The following SELENON variants were observed in gnomAD, a reference collection of about 807,000 sequenced individuals.
SELENON encodes the protein selenoprotein N, 1.
SELENON carries 44 observed loss-of-function variants against 59.5 expected under a neutral mutation model. That is an observed-to-expected ratio of 0.74 (90% CI 0.58 to 0.95). The LOEUF (loss-of-function observed/expected upper bound fraction) is 0.95, where lower values mean the gene tolerates loss of function less well. Ranked by LOEUF, SELENON falls within the 40% of genes least tolerant of loss-of-function variation. The pLI, the probability that SELENON is intolerant of heterozygous loss-of-function variation, is 0.00. For missense variants in SELENON, 674 were observed against 721.4 expected, an observed-to-expected ratio of 0.93 and a Z score of 0.75; for synonymous variants, 320 against 305.6, an observed-to-expected ratio of 1.05 and a Z score of -0.49.
intron 1 of SELENON, 47 bp from the exon 2 acceptor site, chr1:25,800,996 G>C: frequency 6.6e-7 from 1 of 1,510,696 alleles, no homozygotes; most frequent in Non-Finnish European, 9.2e-7. Context: ...GGGACCAGGA[G>C]ACCAGGCCGC....
In SELENON at chr1:25,815,859, C is replaced by T; in HGVS notation, c.*141C>T. On this transcript the variant is annotated 3_prime_UTR_variant, in exon 13 of 13. Transcript: ENST00000361547. ...AGGGTACAAGATCCACTGAGGGTGG[C>T]CACCACAGCCTTGGCTCCATGGTGG... 3 of 830,526 alleles carry T rather than the reference C, an allele frequency of 3.6e-6. No homozygotes were observed. The highest frequency in any genetic ancestry group is 5.7e-6 in the Non-Finnish European group (3 of 526,484). The allele number at this position is 830,526 out of a possible 1,614,324, so 51.4% of individuals were successfully genotyped here. A position where few individuals can be genotyped will look rare whatever the true frequency, so the allele number is the denominator to read the frequency against.
At position 25,812,749 on chromosome 1, in the gene SELENON, C is replaced by T. The variant is rs752098351; in HGVS notation, c.1344C>T (p.His448=). 151 of 1,613,548 alleles carry T rather than the reference C, an allele frequency of 9.4e-5. No individual in the cohort carries two copies. Among genetic ancestry groups the T allele is most frequent in the Non-Finnish European group, 1.2e-4 (145 of 1,179,908 alleles). Residue 448 remains histidine (H), a synonymous_variant, in exon 10 of 13, where the codon CAC becomes CAT. Transcript: ENST00000361547. ...CCAAGGCTGAGAACAAGCTGGTGCACTCAATCCTGCTGTGGGGGGCCCTGG... is the reference window on the plus strand; with the variant it reads ...CCAAGGCTGAGAACAAGCTGGTGCATTCAATCCTGCTGTGGGGGGCCCTGG...
In SELENON at chr1:25,805,281, T is replaced by A; in HGVS notation, c.537+6T>A. 6.2e-7 allele frequency: 1 copy of A among 1,613,878 alleles called. No homozygotes were observed. Among genetic ancestry groups the A allele is most frequent in the Non-Finnish European group, 8.5e-7 (1 of 1,179,998 alleles). On this transcript the variant is annotated splice_donor_region_variant and intron_variant, in intron 4 of 12. Coordinates refer to ENST00000361547, the MANE Select transcript of SELENON (RefSeq NM_020451.3). ...GCAAAGATGGCTTCCTAGGGGTGAG[T>A]TGGGGACCACAGGCAGTGGGGTCAT... is the stretch of plus-strand genomic sequence containing the variant.
chr1:25,815,530 A>T lies in SELENON; in HGVS notation c.1603-18A>T. 6.2e-7 allele frequency: 1 copy of T among 1,613,596 alleles called. No individual in the cohort carries two copies. The highest frequency in any genetic ancestry group is 1.3e-5 in the African/African-American group (1 of 75,030). ...GGCCCCCCTCCGCCCCACTTGCCTC[A>T]CCCGGCCCTTCTCCCAGGTCCATCA... On this transcript the variant is annotated intron_variant, in intron 12 of 12. Transcript: ENST00000361547.
intron 6 of SELENON, among the ~76,000 whole-genome samples, chr1:25,809,354 A>G (rs1318668475): frequency 6.6e-6 from 1 of 152,216 alleles, no homozygotes; most frequent in African/African-American, 2.4e-5. Flanking sequence ...GTGAGGGTTC[A>G]GAAAGAAAAG....
At chr1:25,815,488 G>A in intron 12 of SELENON, 60 bp from the exon 12 acceptor site, 2 of 1,415,506 alleles carry the variant, frequency 1.4e-6, no homozygotes, top group South Asian at 1.2e-5. Context: ...TAGAAGAGAG[G>A]GCACAGGGAG....
In SELENON at chr1:25,817,079, G is replaced by A. The variant is rs940978407; in HGVS notation, c.*1361G>A. ...CTCTCCCCACCCCCTCACCCCACCC[G>A]GGGCTCACTCAGCCTGGCAGAGGAA... On this transcript the variant is annotated 3_prime_UTR_variant, in exon 13 of 13. Coordinates refer to ENST00000361547, the MANE Select transcript of SELENON (RefSeq NM_020451.3). 4.9e-5 allele frequency: 3 copies of A among 61,762 alleles called. No individual in the cohort carries two copies. Among genetic ancestry groups the A allele is most frequent in the Admixed American group, 2.1e-4 (1 of 4,762 alleles). The allele number at this position is 61,762 out of a possible 1,614,324, so 3.8% of individuals were successfully genotyped here. A position where few individuals can be genotyped will look rare whatever the true frequency, so the allele number is the denominator to read the frequency against.
intron 6 of SELENON, among the ~76,000 whole-genome samples, chr1:25,809,469 G>T (rs1296006264): frequency 6.6e-6 from 1 of 152,222 alleles, no homozygotes; most frequent in Non-Finnish European, 1.5e-5. Context: ...TGTGAAGGCT[G>T]GGGGAGGGGG....
chr1:25,813,694 G>GT (rs1196024178), intron 10 of SELENON, 187 bp from the exon 10 acceptor site: 3 of 653,200 alleles, frequency 4.6e-6, no homozygotes, highest in Non-Finnish European at 8.5e-6. Context: ...CTCAGCCCAG[G>GT]ATGCTGGTAT....
rs2048020155 is a variant in SELENON at position 25,817,317 on chromosome 1, C to G, written c.*1599C>G. The G allele has an allele frequency of 6.6e-6, 1 of 152,418 alleles. No individual in the cohort carries two copies. Among genetic ancestry groups the G allele is most frequent in the Non-Finnish European group, 1.5e-5 (1 of 68,230 alleles). 9.4% of individuals were successfully genotyped at this position (152,418 alleles called of 1,614,324 possible). ...GCAACCTCCACCTCCCAGGTTCAAG[C>G]AATTCTCTTGCCTCAGCCTCCCGAG... is the stretch of plus-strand genomic sequence containing the variant. On this transcript the variant is annotated 3_prime_UTR_variant, in exon 13 of 13. Coordinates refer to ENST00000361547, the MANE Select transcript of SELENON (RefSeq NM_020451.3).
At chr1:25,804,442 G>A (rs537892164) in intron 3 of SELENON, among the ~76,000 whole-genome samples, 1 of 123,652 alleles carries the variant, frequency 8.1e-6, no homozygotes, top group Non-Finnish European at 1.7e-5. Flanking sequence ...CCCGCCCTCC[G>A]CTGGCTACAC....
chr1:25,811,353 C>T lies in SELENON; in HGVS notation c.1011-101C>T, dbSNP rs560398050. On this transcript the variant is annotated intron_variant, in intron 7 of 12. Coordinates refer to ENST00000361547, the MANE Select transcript of SELENON (RefSeq NM_020451.3). ...GTTCACCTTGAGAAACCTCAGTGTC[C>T]TCATCTGGAAAGTGGAGACAGTTGC... 2.3e-3 allele frequency: 2,407 copies of T among 1,062,408 alleles called. 2 individuals carry two copies. Among genetic ancestry groups the T allele is most frequent in the Non-Finnish European group, 3.3e-3 (2,236 of 687,908 alleles). The allele number at this position is 1,062,408 out of a possible 1,614,324, so 65.8% of individuals were successfully genotyped here. A position where few individuals can be genotyped will look rare whatever the true frequency, so the allele number is the denominator to read the frequency against.
At chr1:25,801,969 A>G (rs2047864364) in intron 2 of SELENON, 3 of 237,280 alleles carry the variant, frequency 1.3e-5, no homozygotes, top group Non-Finnish European at 1.8e-5. Context: ...TATGCAGTAG[A>G]TTTCCAATAG....
chr1:25,808,902 T>G (rs960130554), intron 5 of SELENON, 113 bp downstream of exon 4: 1 of 1,573,242 alleles, frequency 6.4e-7, no homozygotes, highest in African/African-American at 1.3e-5. Context: ...CTCTCCTGCC[T>G]TCCTCTGGAC....
chr1:25,804,871 C>T (rs562437404), intron 3 of SELENON, among the ~76,000 whole-genome samples: 1 of 152,260 alleles, frequency 6.6e-6, no homozygotes, highest in Non-Finnish European at 1.5e-5. Context: ...CCCGATTCCC[C>T]CACCATCTAG....
At position 25,814,098 on chromosome 1, in the gene SELENON, C is replaced by A; in HGVS notation, c.1522C>A (p.His508Asn). The stretch of plus-strand genomic sequence containing the variant: ...ACAGAACAACCAGGAGAACTCGTCC[C>A]ACCAGAAGCTGGCTGGCCTGCACCT... The change falls in exon 12 of 13, where the codon CAC becomes AAC. Residue 508 changes from histidine to asparagine, a missense_variant. Coordinates refer to ENST00000361547, the MANE Select transcript of SELENON (RefSeq NM_020451.3). 3.1e-6 allele frequency: 5 copies of A among 1,614,154 alleles called. No homozygotes were observed. Among genetic ancestry groups the A allele is most frequent in the Non-Finnish European group, 4.2e-6 (5 of 1,179,996 alleles).
intron 7 of SELENON, among the ~76,000 whole-genome samples, chr1:25,810,774 G>C (rs940807510): frequency 6.6e-6 from 1 of 152,202 alleles, no homozygotes; most frequent in Non-Finnish European, 1.5e-5. Context: ...GAAGAGGAGG[G>C]CACAAGCCCT....
intron 5 of SELENON, 30 bp downstream of exon 4, chr1:25,808,819 C>A: frequency 6.2e-7 from 1 of 1,612,720 alleles, no homozygotes; most frequent in Non-Finnish European, 8.5e-7. Flanking sequence ...GACGTGGGGC[C>A]CCTCCGCCCG....
intron 9 of SELENON, 83 bp from the exon 9 acceptor site, chr1:25,812,604 C>CACACACACA: frequency 2.3e-6 from 2 of 883,356 alleles, no homozygotes; most frequent in East Asian, 2.6e-5. Context: ...CACACACACA[C>CACACACACA]ACTTGCACAC....
Sources: allele counts gnomAD v4.1 joint callset (sites outside exome capture counted in the v4.1 genomes callset), GRCh38; gene constraint gnomAD v4.1.1; transcripts MANE v1.5; gene names NCBI Gene and HGNC (gene_info 2026-07-23, HGNC 2026-07-21).